Variants in AP1B1 observed in about 807,000 individuals in gnomAD.
AP1B1 encodes the protein adaptor related protein complex 1 subunit beta 1.
AP1B1 carries 36 observed loss-of-function variants against 104.3 expected under a neutral mutation model. The ratio of observed to expected loss-of-function variants is 0.35; its 90% CI spans 0.26 to 0.46. AP1B1 has a LOEUF of 0.46. Among genes scored for constraint, AP1B1 ranks in the 20% least tolerant of loss-of-function variants. The pLI, the probability that AP1B1 is intolerant of heterozygous loss-of-function variation, is 1.00. For synonymous variants in AP1B1, 504 were observed against 517.5 expected (o/e 0.97, Z 0.35); for missense variants, 901 against 1,247.9 (o/e 0.72, Z 4.19).
At chr22:29,343,122 TAAG>T (rs2061738805) in intron 11 of AP1B1, among the ~76,000 whole-genome samples, 1 of 152,262 alleles carries the variant, frequency 6.6e-6, no homozygotes, top group Non-Finnish European at 1.5e-5. Context: ...AGCAGGCACT[TAAG>T]AAATACTTGC....
chr22:29,352,355 CAT>C (rs1424623855), intron 7 of AP1B1, among the ~76,000 whole-genome samples: 3 of 152,254 alleles, frequency 2.0e-5, no homozygotes, highest in African/African-American at 7.2e-5. Flanking sequence ...ATGCTGAACA[CAT>C]GCTTCCCTAC....
intron 1 of AP1B1, among the ~76,000 whole-genome samples, chr22:29,368,985 C>G (rs1168441751): frequency 1.3e-5 from 2 of 152,072 alleles, no homozygotes; most frequent in Admixed American, 1.3e-4. Context: ...CCTTCCAATC[C>G]TACCTGTAGT....
intron 7 of AP1B1, 138 bp downstream of exon 7, chr22:29,354,512 T>G (rs2061925125): frequency 1.2e-6 from 1 of 830,158 alleles, no homozygotes; most frequent in Admixed American, 2.6e-5. Flanking sequence ...AAGCTGCCAC[T>G]TTGGTTAAGC....
chr22:29,352,021 T>C (rs2061883562), intron 7 of AP1B1, among the ~76,000 whole-genome samples, 196 bp from the exon 8 acceptor site: 4 of 152,234 alleles, frequency 2.6e-5, no homozygotes. Flanking sequence ...TGACTGCTCC[T>C]GTGTGCCTGA....
chr22:29,356,692 G>C lies in AP1B1; in HGVS notation c.526-76C>G, dbSNP rs147232952. The C allele has an allele frequency of 3.0e-5, 42 of 1,388,106 alleles. 2 individuals carry two copies. The African/African-American group carries it at 5.4e-4, about 18-fold the overall frequency. The allele number at this position is 1,388,106 out of a possible 1,614,324, so 86.0% of individuals were successfully genotyped here. A position where few individuals can be genotyped will look rare whatever the true frequency, so the allele number is the denominator to read the frequency against. ...AGGGGGCAGTGCATTAATGATGCTG[G>C]CTGGTCAGAGGTCAAATATCCTGAA... On this transcript the variant is annotated intron_variant, in intron 5 of 22. Coordinates refer to ENST00000357586, the MANE Select transcript of AP1B1 (RefSeq NM_001127.4).
At chr22:29,351,047 A>G in intron 9 of AP1B1, 124 bp downstream of exon 9, 1 of 881,364 alleles carries the variant, frequency 1.1e-6, no homozygotes, top group Non-Finnish European at 1.8e-6. Context: ...TGGGGGCTCC[A>G]GTGATGAGCC....
At chr22:29,350,321 A>G (rs1302598562) in intron 9 of AP1B1, among the ~76,000 whole-genome samples, 171 bp from the exon 10 acceptor site, 1 of 152,200 alleles carries the variant, frequency 6.6e-6, no homozygotes, top group Admixed American at 6.5e-5. Flanking sequence ...ACCAGTACCA[A>G]ATCATGGCCC....
In AP1B1 at chr22:29,358,960, G is replaced by T; in HGVS notation, c.291C>A (p.Asp97Glu). 6.2e-7 allele frequency: 1 copy of T among 1,609,088 alleles called. No homozygotes were observed. Among genetic ancestry groups the T allele is most frequent in the Admixed American group, 1.7e-5 (1 of 59,272 alleles). The stretch of plus-strand genomic sequence containing the variant: ...CCAGGGCTCGGATGAGGGGGTTGGG[G>T]TCCTCACAGTCCTGGGGGGAACCAG... ...AVNTFVKDCEDPNPLIRALAV... is the reference protein window; with the variant it reads ...AVNTFVKDCEEPNPLIRALAV... The change falls in exon 5 of 23, where the codon GAC (aspartate) becomes GAA (glutamate). Residue 97 changes from aspartate to glutamate, a missense_variant. Around this residue, in one of 3 missense-constraint regions of AP1B1, gnomAD observed 471 missense variants for 696.7 expected, o/e 0.68. Coordinates refer to ENST00000357586, the MANE Select transcript of AP1B1 (RefSeq NM_001127.4).
Position 29,334,401 on chromosome 22 carries a change from G to A in AP1B1, c.2173C>T (p.Pro725Ser), listed in dbSNP as rs746053932. The stretch of plus-strand genomic sequence containing the variant: ...TCCAGCCCCTTAGCCTTCATGGCTG[G>A]GAGCCAGACCTGCAGGGAAGAGGGT... ...SYVAPKAVWL[P>S]AMKAKGLEIS... Residue 725 changes from proline (P) to serine (S), a missense_variant, in exon 17 of 23, where the codon CCA becomes TCA. Coordinates refer to ENST00000357586, the MANE Select transcript of AP1B1 (RefSeq NM_001127.4). 1 of 1,603,450 alleles carries A rather than the reference G, an allele frequency of 6.2e-7. No individual in the cohort carries two copies. Among genetic ancestry groups the A allele is most frequent in the South Asian group, 1.1e-5 (1 of 89,614 alleles).
At chr22:29,349,589 C>T (rs571614452) in intron 10 of AP1B1, among the ~76,000 whole-genome samples, 17 of 152,162 alleles carry the variant, frequency 1.1e-4, no homozygotes, top group African/African-American at 3.1e-4. Flanking sequence ...TCTCACCTCA[C>T]TGCAACCTCC....
chr22:29,358,812 T>C lies in AP1B1; in HGVS notation c.439A>G (p.Lys147Glu). 6.2e-7 allele frequency: 1 copy of C among 1,614,224 alleles called. No homozygotes were observed. Among genetic ancestry groups the C allele is most frequent in the Non-Finnish European group, 8.5e-7 (1 of 1,180,030 alleles). Residue 147 changes from lysine to glutamate, a missense_variant, in exon 5 of 23, where the codon AAG (lysine) becomes GAG (glutamate). Lys to Glu is a moderately conservative substitution (Grantham distance 56, BLOSUM62 1). Around this residue, in one of 3 missense-constraint regions of AP1B1, gnomAD observed 471 missense variants for 696.7 expected, o/e 0.68. Transcript: ENST00000357586. ...VRKTAAVCVA[K>E]LHDINAQLVE... Reference sequence around the variant, plus strand: ...AGCTGGGCGTTGATGTCGTGGAGCTTGGCCACGCACACAGCTGCTGTCTTG... The same window carrying C: ...AGCTGGGCGTTGATGTCGTGGAGCTCGGCCACGCACACAGCTGCTGTCTTG...
In AP1B1 at chr22:29,334,344, A is replaced by G; in HGVS notation, c.2230T>C (p.Ser744Pro). 1 of 1,611,226 alleles carries G rather than the reference A, an allele frequency of 6.2e-7. No individual in the cohort carries two copies. Among genetic ancestry groups the G allele is most frequent in the Non-Finnish European group, 8.5e-7 (1 of 1,179,076 alleles). Residue 744 changes from serine to proline, a missense_variant, in exon 17 of 23, where the codon TCC (serine) becomes CCC (proline). Around this residue, in one of 3 missense-constraint regions of AP1B1, gnomAD observed 424 missense variants for 494.0 expected, o/e 0.86. Coordinates refer to ENST00000357586, the MANE Select transcript of AP1B1 (RefSeq NM_001127.4). The stretch of plus-strand genomic sequence containing the variant: ...GTCAGCTGCAGGTCCATGGAGATGG[A>G]GCCCACCTGGCGGGTGAAGGTGCCT... ...ISGTFTRQVGSISMDLQLTNK... is the reference protein window; with the variant it reads ...ISGTFTRQVGPISMDLQLTNK...
intron 7 of AP1B1, 126 bp from the exon 8 acceptor site, chr22:29,351,951 T>A: frequency 1.6e-6 from 2 of 1,283,282 alleles, no homozygotes; most frequent in Non-Finnish European, 2.1e-6. Flanking sequence ...GAAGGCAGAG[T>A]CACTGCCATG....
chr22:29,372,281 G>C (rs1445028195), intron 1 of AP1B1, among the ~76,000 whole-genome samples: 2 of 151,866 alleles, frequency 1.3e-5, no homozygotes, highest in Non-Finnish European at 2.9e-5. Context: ...AAAATTAGCC[G>C]GGCATGCTGG....
chr22:29,355,614 G>A (rs1255842067), intron 6 of AP1B1, among the ~76,000 whole-genome samples: 1 of 152,112 alleles, frequency 6.6e-6, no homozygotes, highest in Non-Finnish European at 1.5e-5. Context: ...AGGGTTGCTA[G>A]GGGCTTAACT....
At chr22:29,362,345 ATTC>A (rs1281598831) in intron 3 of AP1B1, among the ~76,000 whole-genome samples, 2 of 150,294 alleles carry the variant, frequency 1.3e-5, no homozygotes, top group African/African-American at 2.4e-5. Context: ...CAGATTTCCC[ATTC>A]TTCTTTTTTT....
intron 6 of AP1B1, 134 bp downstream of exon 6, chr22:29,356,292 G>C: frequency 1.1e-6 from 1 of 920,340 alleles, no homozygotes; most frequent in Non-Finnish European, 1.6e-6. Flanking sequence ...CTCCCTTTAG[G>C]TGTGTCTGAG....
At position 29,330,728 on chromosome 22, in the gene AP1B1, G is replaced by A. The variant is rs906320206; in HGVS notation, c.2525-19C>T. ...TGCCGGTCTGCGGGGTGAGCAGGGT[G>A]GGGATGAGAGGCGAGCCCCTCATAA... is the stretch of plus-strand genomic sequence containing the variant. On this transcript the variant is annotated intron_variant, in intron 19 of 22. Transcript: ENST00000357586. 3.1e-6 allele frequency: 5 copies of A among 1,601,792 alleles called. No individual in the cohort carries two copies. In the African/African-American group the frequency reaches 5.4e-5, roughly 17 times the overall value.
At chr22:29,339,706 C>T (rs780752496) in intron 15 of AP1B1, 48 bp downstream of exon 15, 313 of 1,602,148 alleles carry the variant, frequency 2.0e-4, no homozygotes, top group Non-Finnish European at 2.5e-4. Context: ...CCAGCGCTTT[C>T]GGGAGGAGCA....
Sources: allele counts gnomAD v4.1 joint callset (sites outside exome capture counted in the v4.1 genomes callset), GRCh38; gene constraint gnomAD v4.1.1; regional missense constraint gnomAD v4.1.1; transcripts MANE v1.5; gene names NCBI Gene and HGNC (gene_info 2026-07-23, HGNC 2026-07-21).